ITSN1: variants seen among roughly 807,000 people sequenced by gnomAD.
The protein encoded by ITSN1 is intersectin 1, also known as intersectin-1.
Under a neutral mutation model 239.8 loss-of-function variants are expected in ITSN1, and 58 were observed. The observed-to-expected ratio is 0.24, with a 90% CI of 0.20 to 0.30. ITSN1 has a LOEUF of 0.30. Ranked by LOEUF, ITSN1 falls within the 10% of genes least tolerant of loss-of-function variation. The probability of loss-of-function intolerance (pLI) is 1.00; values close to 1 mark genes in which losing one functional copy is unlikely to be tolerated. For missense variants in ITSN1, 1,558 were observed against 2,103.3 expected (o/e 0.74, Z 5.07); for synonymous variants, 780 against 770.8 (o/e 1.01, Z -0.20).
At chr21:33,836,833 C>G (rs2074628300) in intron 29 of ITSN1, among the ~76,000 whole-genome samples, 1 of 151,564 alleles carries the variant, frequency 6.6e-6, no homozygotes, top group South Asian at 2.1e-4. Context: ...TTCATTCCTT[C>G]TGTAGCATGT....
chr21:33,773,164 G>A (rs1200973001), intron 12 of ITSN1, among the ~76,000 whole-genome samples: 2 of 151,778 alleles, frequency 1.3e-5, no homozygotes, highest in African/African-American at 2.4e-5. Context: ...CCGCCACCAC[G>A]CCCAGCTAAT....
intron 29 of ITSN1, among the ~76,000 whole-genome samples, chr21:33,841,241 C>G (rs1489161311): frequency 6.6e-6 from 1 of 152,184 alleles, no homozygotes; most frequent in Non-Finnish European, 1.5e-5. Flanking sequence ...TTCAGCGATG[C>G]CATCAGAAGA....
chr21:33,874,329 G>T lies in ITSN1; in HGVS notation c.4174-1025G>T, dbSNP rs560781221. Among the ~76,000 whole-genome samples, 4 of 152,214 alleles carry T rather than the reference G, an allele frequency of 2.6e-5. No individual in the cohort carries two copies. The East Asian group carries it at 5.8e-4, about 22-fold the overall frequency. On this transcript the variant is annotated intron_variant, in intron 33 of 39. Coordinates refer to ENST00000381318, the MANE Select transcript of ITSN1 (RefSeq NM_003024.3). ...CACACTTGCTCTGATGCACCCGTCTGCATGTGGTTCCAGAGGCGCGTGGAC... is the reference window on the plus strand; with the variant it reads ...CACACTTGCTCTGATGCACCCGTCTTCATGTGGTTCCAGAGGCGCGTGGAC...
intron 1 of ITSN1, among the ~76,000 whole-genome samples, chr21:33,644,654 A>AT (rs34233415): frequency 0.043 from 6,007 of 138,842 alleles, 248 homozygotes; most frequent in African/African-American, 0.11. Flanking sequence ...CGCTGTTAGC[A>AT]TTTTTTTTTT....
At chr21:33,871,695 C>T (rs983320119) in intron 33 of ITSN1, among the ~76,000 whole-genome samples, 4 of 150,480 alleles carry the variant, frequency 2.7e-5, no homozygotes, top group African/African-American at 4.9e-5. Flanking sequence ...GAGCCGAGAT[C>T]GCGCCACTGC....
intron 29 of ITSN1, chr21:33,837,853 A>G (rs1356345782): frequency 1.5e-5 from 15 of 985,768 alleles, no homozygotes; most frequent in Non-Finnish European, 1.7e-5. Context: ...GCGTGTTTGC[A>G]TAGCATAAAA....
intron 2 of ITSN1, 71 bp downstream of exon 2, chr21:33,718,927 A>G: frequency 8.5e-7 from 1 of 1,178,568 alleles, no homozygotes; most frequent in Non-Finnish European, 1.3e-6. Context: ...ATTATGGCAA[A>G]TTTAAAATTA....
intron 16 of ITSN1, among the ~76,000 whole-genome samples, chr21:33,790,259 A>C (rs900483204): frequency 6.6e-6 from 1 of 151,790 alleles, no homozygotes; most frequent in Non-Finnish European, 1.5e-5. Context: ...TTTTTTAAAA[A>C]AAACTTATTT....
chr21:33,793,344 G>C (rs963509432), intron 16 of ITSN1, among the ~76,000 whole-genome samples: 2 of 152,124 alleles, frequency 1.3e-5, no homozygotes, highest in Non-Finnish European at 2.9e-5. Context: ...AGAGATCCCT[G>C]GGCCATGTAC....
intron 29 of ITSN1, among the ~76,000 whole-genome samples, chr21:33,841,010 G>T (rs554296443): frequency 6.6e-6 from 1 of 152,302 alleles, no homozygotes; most frequent in East Asian, 1.9e-4. Context: ...CAGAGTTGGG[G>T]AGCCATGGTG....
chr21:33,699,163 T>A (rs959952350), intron 1 of ITSN1, among the ~76,000 whole-genome samples: 1 of 152,190 alleles, frequency 6.6e-6, no homozygotes, highest in African/African-American at 2.4e-5. Context: ...TTTATGTTTC[T>A]CCCACATTTG....
intron 3 of ITSN1, 106 bp downstream of exon 3, chr21:33,721,376 A>G: frequency 2.7e-6 from 2 of 748,570 alleles, no homozygotes; most frequent in South Asian, 1.6e-5. Flanking sequence ...AAGGAGAGAC[A>G]TTTACCTGTT....
chr21:33,875,592 AGAAAAGCAT>A, intron 34 of ITSN1, 71 bp downstream of exon 34: 1 of 1,467,418 alleles, frequency 6.8e-7, no homozygotes, highest in East Asian at 2.3e-5. Context: ...AGGAGGACAA[AGAAAAGCAT>A]GAACCATTCT....
In ITSN1 at chr21:33,742,182, C is replaced by T. The variant is rs551878014; in HGVS notation, c.346+6978C>T. Reference sequence around the variant, plus strand: ...AGCGATTGTCCTGCCTCAGCCTCCCCGGTAGCTGGGATTACAGGCATGTGC... The same window carrying T: ...AGCGATTGTCCTGCCTCAGCCTCCCTGGTAGCTGGGATTACAGGCATGTGC... On this transcript the variant is annotated intron_variant, in intron 5 of 39. Transcript: ENST00000381318. Among the ~76,000 whole-genome samples the T allele has an allele frequency of 4.6e-5, 7 of 151,648 alleles. No homozygotes were observed. In the South Asian group the frequency reaches 8.4e-4, roughly 18 times the overall value.
At chr21:33,793,132 C>A (rs540324233) in intron 16 of ITSN1, among the ~76,000 whole-genome samples, 1 of 152,272 alleles carries the variant, frequency 6.6e-6, no homozygotes, top group East Asian at 1.9e-4. Flanking sequence ...TAGCCTAACC[C>A]TTAGGATTTT....
chr21:33,726,487 GA>G (rs1188427837), intron 4 of ITSN1, among the ~76,000 whole-genome samples: 1 of 152,052 alleles, frequency 6.6e-6, no homozygotes, highest in Non-Finnish European at 1.5e-5. Flanking sequence ...GTCATCTGGG[GA>G]AGAAGATAAT....
intron 12 of ITSN1, 26 bp downstream of exon 12, chr21:33,772,349 C>G: frequency 1.3e-6 from 2 of 1,549,146 alleles, no homozygotes; most frequent in East Asian, 2.4e-5. Flanking sequence ...TGGAGCCACC[C>G]GGAGTTAGTG....
At chr21:33,680,564 C>G (rs1190602802) in intron 1 of ITSN1, among the ~76,000 whole-genome samples, 1 of 152,176 alleles carries the variant, frequency 6.6e-6, no homozygotes, top group Non-Finnish European at 1.5e-5. Context: ...CTCCTGACCT[C>G]AAGTGATCCA....
At position 33,717,729 on chromosome 21, in the gene ITSN1, T is replaced by TTGTG. The variant is rs397952129; in HGVS notation, c.-32-1056_-32-1053dup. 1.8e-4 allele frequency among the ~76,000 whole-genome samples: 28 copies of TTGTG among 151,654 alleles called. No homozygotes were observed. The East Asian group carries it at 3.7e-3, about 20-fold the overall frequency. On this transcript the variant is annotated intron_variant, in intron 1 of 39. Coordinates refer to ENST00000381318, the MANE Select transcript of ITSN1 (RefSeq NM_003024.3). ...CGCCACCACGCCCAGCTAATTTTTT[T>TTGTG]TGTGTGTGTGTGTGTTTCCAGTAGA...
Sources: gnomAD v4.1 joint callset for allele counts (sites outside exome capture counted in the v4.1 genomes callset) on GRCh38, gnomAD v4.1.1 for gene constraint, MANE v1.5 for transcripts, NCBI Gene and HGNC (gene_info 2026-07-23, HGNC 2026-07-21) for gene names.